The following KCNS3 variants were observed in gnomAD, a reference collection of about 807,000 sequenced individuals.
The protein encoded by KCNS3 is potassium voltage-gated channel modifier subfamily S member 3.
A neutral mutation model predicts 31.0 loss-of-function variants in KCNS3; 13 were observed. The observed-to-expected ratio is 0.42, with a 90% CI of 0.27 to 0.67. KCNS3 has a LOEUF of 0.67. Ranked by LOEUF, KCNS3 falls within the 30% of genes least tolerant of loss-of-function variation. The pLI, the probability that KCNS3 is intolerant of heterozygous loss-of-function variation, is 0.25. For missense variants in KCNS3, 545 were observed against 622.4 expected (o/e 0.88, Z 1.32); for synonymous variants, 238 against 241.5 (o/e 0.99, Z 0.13).
At chr2:17,908,740 G>T (rs2125244314) in intron 1 of KCNS3, among the ~76,000 whole-genome samples, 1 of 152,320 alleles carries the variant, frequency 6.6e-6, no homozygotes, top group East Asian at 1.9e-4. Flanking sequence ...GACCCTATTT[G>T]CCTGGGTATC....
At chr2:17,880,443 T>A (rs989863042) in intron 1 of KCNS3, among the ~76,000 whole-genome samples, 1 of 152,246 alleles carries the variant, frequency 6.6e-6, no homozygotes, top group Non-Finnish European at 1.5e-5. Context: ...CTTCTTCTCT[T>A]GTTCTAATAT....
At chr2:17,879,025 C>T (rs577997019) in intron 1 of KCNS3, among the ~76,000 whole-genome samples, 1 of 152,342 alleles carries the variant, frequency 6.6e-6, no homozygotes, top group South Asian at 2.1e-4. Flanking sequence ...AGCCCGCCGT[C>T]GCTGGAGCCC....
intron 1 of KCNS3, among the ~76,000 whole-genome samples, chr2:17,890,925 A>G (rs920351229): frequency 3.9e-5 from 6 of 152,136 alleles, no homozygotes; most frequent in African/African-American, 9.7e-5. Context: ...TGTTCTGTAT[A>G]TATCTGTTAA....
chr2:17,889,573 A>G (rs1424265762), intron 1 of KCNS3, among the ~76,000 whole-genome samples: 10 of 152,056 alleles, frequency 6.6e-5, no homozygotes, highest in Admixed American at 6.6e-4. Flanking sequence ...TTTGTCATAG[A>G]TGGCTTTTAT....
chr2:17,903,447 CATTTT>C (rs529682832), intron 1 of KCNS3, among the ~76,000 whole-genome samples: 7 of 152,056 alleles, frequency 4.6e-5, no homozygotes, highest in Non-Finnish European at 8.8e-5. Flanking sequence ...GGGTTATTGA[CATTTT>C]ATTTTATTTT....
At chr2:17,878,453 G>A (rs1220425082), upstream of KCNS3, among the ~76,000 whole-genome samples, 1 of 151,832 alleles carries the variant, frequency 6.6e-6, no homozygotes, top group African/African-American at 2.4e-5. Context: ...CTAGGTCTAT[G>A]GGTCTGTCCG....
chr2:17,886,958 A>G (rs12618825), intron 1 of KCNS3, among the ~76,000 whole-genome samples: 44,516 of 146,970 alleles, frequency 0.3, 6,690 homozygotes, highest in East Asian at 0.39. Context: ...CAGGTTCCCC[A>G]GACTTGTTGA....
chr2:17,878,445 A>C (rs1475526458), upstream of KCNS3, among the ~76,000 whole-genome samples: 1 of 151,774 alleles, frequency 6.6e-6, no homozygotes, highest in Admixed American at 6.6e-5. Context: ...GGCAGCATCT[A>C]GGTCTATGGG....
intron 1 of KCNS3, chr2:17,879,296 G>A (rs1320792531): frequency 6.6e-6 from 1 of 152,260 alleles, no homozygotes; most frequent in Non-Finnish European, 1.5e-5. Context: ...GCTTGTAAAT[G>A]CTTCCCGGGC....
chr2:17,914,273 C>T (rs1035799274), intron 1 of KCNS3, among the ~76,000 whole-genome samples: 6 of 152,190 alleles, frequency 3.9e-5, no homozygotes, highest in East Asian at 3.9e-4. Flanking sequence ...CCGCATAGCT[C>T]GTTTGCTCCT....
intron 2 of KCNS3, among the ~76,000 whole-genome samples, chr2:17,918,495 C>T (rs1303100449): frequency 6.6e-6 from 1 of 152,160 alleles, no homozygotes; most frequent in African/African-American, 2.4e-5. Flanking sequence ...GACAGTTCAC[C>T]ACCATCCCCA....
intron 1 of KCNS3, among the ~76,000 whole-genome samples, chr2:17,879,130 G>A (rs557365485): frequency 1.3e-5 from 2 of 152,352 alleles, no homozygotes; most frequent in African/African-American, 4.8e-5. Context: ...CAGCTTTCGG[G>A]GAGTGGGGTG....
rs372502272 is a variant in KCNS3 at position 17,888,371 on chromosome 2, A to G, written c.-252+9565A>G. Among the ~76,000 whole-genome samples, 26 of 151,976 alleles carry G rather than the reference A, an allele frequency of 1.7e-4. No homozygotes were observed. In the East Asian group the frequency reaches 4.8e-3, roughly 28 times the overall value. ...GGTCTTAGGTTTAAGTCCTTAATAC[A>G]TCTTGTTGATTTTCGTATAAGATGA... is the stretch of plus-strand genomic sequence containing the variant. On this transcript the variant is annotated intron_variant, in intron 1 of 2. Coordinates refer to ENST00000304101, the MANE Select transcript of KCNS3 (RefSeq NM_002252.5).
chr2:17,931,002 A>G lies in KCNS3; in HGVS notation c.-7A>G, dbSNP rs1166404514. 1 of 1,610,838 alleles carries G rather than the reference A, an allele frequency of 6.2e-7. No individual in the cohort carries two copies. ...TGCCAGCCAGCACTCTGCCTTCTGT[A>G]TCCACCATGGTGTTTGGTGAGTTTT... On this transcript the variant is annotated 5_prime_UTR_variant, in exon 3 of 3. Coordinates refer to ENST00000304101, the MANE Select transcript of KCNS3 (RefSeq NM_002252.5). The surrounding 1 kb of genome is among the most constrained non-coding windows in gnomAD (Gnocchi z 5.4).
chr2:17,894,657 T>C (rs1661980027), intron 1 of KCNS3, among the ~76,000 whole-genome samples: 1 of 152,142 alleles, frequency 6.6e-6, no homozygotes, highest in East Asian at 1.9e-4. Context: ...CTGGGGTTTG[T>C]TTTTCCCAAG....
chr2:17,905,369 A>T (rs1440552380), intron 1 of KCNS3, among the ~76,000 whole-genome samples: 1 of 152,182 alleles, frequency 6.6e-6, no homozygotes, highest in African/African-American at 2.4e-5. Context: ...GGCTGAGATG[A>T]TGGGGTTTTC....
chr2:17,903,213 A>G (rs1662228883), intron 1 of KCNS3, among the ~76,000 whole-genome samples: 1 of 152,228 alleles, frequency 6.6e-6, no homozygotes, highest in Admixed American at 6.5e-5. Flanking sequence ...TTCAGCAAAT[A>G]AATTGTTAAG....
At chr2:17,914,791 A>G (rs1176515670) in intron 1 of KCNS3, among the ~76,000 whole-genome samples, 1 of 152,176 alleles carries the variant, frequency 6.6e-6, no homozygotes, top group Non-Finnish European at 1.5e-5. Flanking sequence ...GCCACACAGG[A>G]TTCTGTGCAA....
At chr2:17,925,804 C>T (rs912494603) in intron 2 of KCNS3, among the ~76,000 whole-genome samples, 1 of 152,170 alleles carries the variant, frequency 6.6e-6, no homozygotes, top group African/African-American at 2.4e-5. Context: ...ATCATTCTAC[C>T]TCTGGCCCCT....
Sources: allele counts gnomAD v4.1 joint callset (sites outside exome capture counted in the v4.1 genomes callset), GRCh38; gene constraint gnomAD v4.1.1; non-coding constraint Gnocchi (gnomAD v3.1); transcripts MANE v1.5; gene names NCBI Gene and HGNC (gene_info 2026-07-23, HGNC 2026-07-21).